The following USP48 variants were observed in gnomAD, a reference collection of about 807,000 sequenced individuals.
USP48 encodes the protein ubiquitin specific peptidase 48, also known as ubiquitin carboxyl-terminal hydrolase 48.
Under a neutral mutation model 150.7 loss-of-function variants are expected in USP48, and 43 were observed. That is an observed-to-expected ratio of 0.29 (90% CI 0.22 to 0.37). The LOEUF is 0.37. Among genes scored for constraint, USP48 ranks in the 10% least tolerant of loss-of-function variants. The pLI, the probability that USP48 is intolerant of heterozygous loss-of-function variation, is 1.00. For synonymous variants in USP48, 396 were observed against 425.9 expected (o/e 0.93, Z 0.86); for missense variants, 813 against 1,249.6 (o/e 0.65, Z 5.27).
intron 6 of USP48, among the ~76,000 whole-genome samples, chr1:21,748,806 G>A (rs1187819534): frequency 9.2e-5 from 14 of 152,192 alleles, no homozygotes; most frequent in Non-Finnish European, 2.1e-4. Context: ...AACTACTCGG[G>A]AGGCTGAGAC....
intron 19 of USP48, among the ~76,000 whole-genome samples, chr1:21,704,941 A>G (rs1286453072): frequency 6.6e-6 from 1 of 152,118 alleles, no homozygotes; most frequent in Non-Finnish European, 1.5e-5. Context: ...TGCAATAACA[A>G]CGACAGGAAG....
chr1:21,729,281 C>CA (rs57704127), intron 10 of USP48, among the ~76,000 whole-genome samples: 15,088 of 90,212 alleles, frequency 0.17, 1,165 homozygotes, highest in East Asian at 0.34. Flanking sequence ...GACTCCGCCT[C>CA]AAAAAAAAAA....
intron 23 of USP48, among the ~76,000 whole-genome samples, chr1:21,690,442 C>G (rs2097594784): frequency 6.6e-6 from 1 of 152,142 alleles, no homozygotes; most frequent in Non-Finnish European, 1.5e-5. Context: ...TGGGCAAGGT[C>G]ATCACTGTCA....
In USP48 at chr1:21,782,809, G is replaced by C. The variant is rs1301469696; in HGVS notation, c.134+15C>G. Reference sequence around the variant, plus strand: ...CGGCGCGAGGAGCCCGCGAGGCGCGGTGCGCGGGCCTCACCTGCACACGCC... The same window carrying C: ...CGGCGCGAGGAGCCCGCGAGGCGCGCTGCGCGGGCCTCACCTGCACACGCC... On this transcript the variant is annotated intron_variant, in intron 1 of 26. Transcript: ENST00000308271. The C allele has an allele frequency of 4.6e-6, 7 of 1,517,690 alleles. No homozygotes were observed. Among genetic ancestry groups the C allele is most frequent in the Non-Finnish European group, 8.8e-7 (1 of 1,133,634 alleles). The allele number at this position is 1,517,690 out of a possible 1,614,324, so 94.0% of individuals were successfully genotyped here.
chr1:21,730,960 C>G (rs1208474348), intron 9 of USP48, among the ~76,000 whole-genome samples: 1 of 151,846 alleles, frequency 6.6e-6, no homozygotes, highest in East Asian at 2.0e-4. Flanking sequence ...AAGATTTCAC[C>G]ATGTTGGCCA....
chr1:21,763,165 A>G (rs1474884115), intron 1 of USP48, among the ~76,000 whole-genome samples: 1 of 152,218 alleles, frequency 6.6e-6, no homozygotes, highest in African/African-American at 2.4e-5. Context: ...AGCTGGGAGC[A>G]ATCTGTATTA....
At chr1:21,777,046 C>T (rs1330156778) in intron 1 of USP48, among the ~76,000 whole-genome samples, 5 of 151,326 alleles carry the variant, frequency 3.3e-5, no homozygotes, top group South Asian at 2.1e-4. Context: ...ACATGGGAGG[C>T]GGAGGTTGCA....
intron 24 of USP48, 50 bp from the exon 25 acceptor site, chr1:21,687,289 A>G (rs747663356): frequency 1.3e-6 from 2 of 1,554,170 alleles, no homozygotes; most frequent in Admixed American, 3.5e-5. Flanking sequence ...AGGGAGTCTG[A>G]AATTTGAAGT....
intron 9 of USP48, among the ~76,000 whole-genome samples, chr1:21,731,275 CTTTTT>C (rs1557518370): frequency 1.3e-5 from 2 of 151,838 alleles, no homozygotes; most frequent in Admixed American, 6.6e-5. Flanking sequence ...ATTTTCTTTT[CTTTTT>C]TTGAGACAGA....
At chr1:21,781,935 C>T (rs995415512) in intron 1 of USP48, 3 of 152,178 alleles carry the variant, frequency 2.0e-5, no homozygotes, top group Non-Finnish European at 4.4e-5. Context: ...TAGAAACTCC[C>T]TAACTTATTT....
intron 14 of USP48, among the ~76,000 whole-genome samples, chr1:21,720,722 G>C (rs937358409): frequency 8.6e-5 from 13 of 151,878 alleles, no homozygotes; most frequent in Non-Finnish European, 1.3e-4. Flanking sequence ...GTAGAGACGG[G>C]GTTTCACCAT....
chr1:21,694,928 A>G (rs2097621869), intron 23 of USP48, 138 bp downstream of exon 23: 1 of 973,394 alleles, frequency 1.0e-6, no homozygotes, highest in Non-Finnish European at 1.4e-6. Flanking sequence ...TCACAAAAAG[A>G]TTTTTGGCTA....
At chr1:21,680,269 G>A (rs987131718) in intron 26 of USP48, among the ~76,000 whole-genome samples, 2 of 152,246 alleles carry the variant, frequency 1.3e-5, no homozygotes, top group African/African-American at 4.8e-5. Context: ...TGTATTTGAT[G>A]ACTTCTTGAA....
chr1:21,729,562 C>T, intron 10 of USP48, 142 bp downstream of exon 10: 2 of 1,023,322 alleles, frequency 2.0e-6, no homozygotes, highest in Non-Finnish European at 2.7e-6. Context: ...AGTAAATTTG[C>T]AATTAATATT....
intron 23 of USP48, among the ~76,000 whole-genome samples, chr1:21,692,018 G>T (rs1424811129): frequency 6.6e-6 from 1 of 152,172 alleles, no homozygotes; most frequent in Non-Finnish European, 1.5e-5. Context: ...AACTGTGTGT[G>T]TAACAGGGCC....
intron 1 of USP48, among the ~76,000 whole-genome samples, chr1:21,774,422 C>G (rs895672613): frequency 3.9e-5 from 6 of 152,044 alleles, no homozygotes. Context: ...GTCGCAGTGG[C>G]TCATGCCTGT....
chr1:21,721,292 G>A (rs1364293796), intron 13 of USP48, 126 bp from the exon 14 acceptor site: 2 of 1,313,666 alleles, frequency 1.5e-6, no homozygotes, highest in Admixed American at 5.3e-5. Flanking sequence ...ACATGTAATT[G>A]ATTTTAACCC....
intron 22 of USP48, 137 bp downstream of exon 22, chr1:21,701,361 A>C: frequency 1.8e-6 from 1 of 560,128 alleles, no homozygotes; most frequent in Admixed American, 3.3e-5. Flanking sequence ...GCGAGACTCC[A>C]TCTCAAAAAA....
chr1:21,719,250 C>G (rs965560861), intron 14 of USP48, among the ~76,000 whole-genome samples: 16 of 149,844 alleles, frequency 1.1e-4, no homozygotes, highest in African/African-American at 3.7e-4. Context: ...CCACTGCACT[C>G]CAGCCTGGGG....
Sources: gnomAD v4.1 joint callset for allele counts (sites outside exome capture counted in the v4.1 genomes callset) on GRCh38, gnomAD v4.1.1 for gene constraint, MANE v1.5 for transcripts, NCBI Gene and HGNC (gene_info 2026-07-23, HGNC 2026-07-21) for gene names.